The following IL26 variants were observed in gnomAD, a reference collection of about 807,000 sequenced individuals.
The protein encoded by IL26 is interleukin 26, also known as interleukin-26.
IL26 carries 23 observed loss-of-function variants against 21.7 expected under a neutral mutation model. That is an observed-to-expected ratio of 1.06 (90% CI 0.76 to 1.50). The LOEUF is 1.50. IL26 is among the 40% of genes most tolerant of loss of function. IL26 has a pLI of 0.00. For synonymous variants in IL26, 63 were observed against 67.8 expected (o/e 0.93, Z 0.34); for missense variants, 204 against 196.0 (o/e 1.04, Z -0.24).
intron 3 of IL26, among the ~76,000 whole-genome samples, chr12:68,210,007 C>T (rs971288359): frequency 1.4e-4 from 21 of 152,018 alleles, no homozygotes; most frequent in African/African-American, 5.1e-4. Flanking sequence ...CATAACCACC[C>T]TTCTTGTTGT....
intron 3 of IL26, among the ~76,000 whole-genome samples, chr12:68,205,694 A>G (rs1868520538): frequency 7.1e-6 from 1 of 140,812 alleles, no homozygotes; most frequent in Non-Finnish European, 1.6e-5. Flanking sequence ...CTTTAAGGAA[A>G]TACATAGTAA....
At chr12:68,212,749 G>A (rs1475436081) in intron 3 of IL26, among the ~76,000 whole-genome samples, 2 of 151,914 alleles carry the variant, frequency 1.3e-5, no homozygotes, top group African/African-American at 2.4e-5. Flanking sequence ...TTTGTATCCT[G>A]CAAATTTACG....
intron 3 of IL26, among the ~76,000 whole-genome samples, chr12:68,216,320 T>G (rs1180698543): frequency 1.3e-5 from 2 of 152,042 alleles, no homozygotes; most frequent in African/African-American, 4.8e-5. Context: ...CTACTATAAA[T>G]TATACACATT....
In IL26 at chr12:68,202,044, T is replaced by C; in HGVS notation, c.403A>G (p.Thr135Ala). The change falls in exon 4 of 5, where the codon ACC (threonine) becomes GCC (alanine). Residue 135 changes from threonine (T) to alanine (A), a missense_variant. Transcript: ENST00000229134. ...ASSAREMKSITRMKRIFYRIG... is the reference protein window; with the variant it reads ...ASSAREMKSIARMKRIFYRIG... Reference sequence around the variant, plus strand: ...CTATAAAATATTCTTTTCATCCTGGTAATGGATTTCATCTCTCTAGCTGAT... The same window carrying C: ...CTATAAAATATTCTTTTCATCCTGGCAATGGATTTCATCTCTCTAGCTGAT... 6.3e-7 allele frequency: 1 copy of C among 1,586,774 alleles called. No homozygotes were observed. The highest frequency in any genetic ancestry group is 8.6e-7 in the Non-Finnish European group (1 of 1,162,274).
At chr12:68,218,046 G>A (rs1432611233) in intron 3 of IL26, among the ~76,000 whole-genome samples, 1 of 152,046 alleles carries the variant, frequency 6.6e-6, no homozygotes, top group African/African-American at 2.4e-5. Context: ...GCCTAACAAA[G>A]CTTAAACAAC....
chr12:68,209,835 G>A, intron 3 of IL26, among the ~76,000 whole-genome samples: 1 of 152,136 alleles, frequency 6.6e-6, no homozygotes, highest in East Asian at 1.9e-4. Flanking sequence ...TAACTGCCCA[G>A]ACTGCATTCT....
At chr12:68,206,498 A>T (rs1175790161) in intron 3 of IL26, among the ~76,000 whole-genome samples, 7 of 152,214 alleles carry the variant, frequency 4.6e-5, no homozygotes, top group African/African-American at 1.7e-4. Flanking sequence ...GACTTCAGGA[A>T]CAAAGCACCA....
intron 3 of IL26, among the ~76,000 whole-genome samples, chr12:68,213,418 CTT>C (rs1419928308): frequency 6.6e-6 from 1 of 152,032 alleles, no homozygotes; most frequent in Non-Finnish European, 1.5e-5. Context: ...ATGCTCTTCT[CTT>C]TAATTTTTTA....
In IL26 at chr12:68,219,450, A is replaced by G. The variant is rs571392030; in HGVS notation, c.363+5699T>C. Among the ~76,000 whole-genome samples the G allele has an allele frequency of 1.9e-4, 29 of 152,024 alleles. No homozygotes were observed. In the South Asian group the frequency reaches 6.0e-3, roughly 31 times the overall value. ...ATAACCCATATATAAAAGAAAAAATAAAAAGGGAAATTAGCAAGTAATTTA... is the reference window on the plus strand; with the variant it reads ...ATAACCCATATATAAAAGAAAAAATGAAAAGGGAAATTAGCAAGTAATTTA... On this transcript the variant is annotated intron_variant, in intron 3 of 4. Transcript: ENST00000229134.
In IL26 at chr12:68,225,242, C is replaced by A. The variant is rs199583345; in HGVS notation, c.270G>T (p.Met90Ile). 1,515 of 1,613,600 alleles carry A rather than the reference C, an allele frequency of 9.4e-4. 18 individuals are homozygous for A. In the Admixed American group the frequency reaches 0.015, roughly 16 times the overall value. Residue 90 changes from methionine to isoleucine, a missense_variant, in exon 3 of 5, where the codon ATG becomes ATT. Coordinates refer to ENST00000229134, the MANE Select transcript of IL26 (RefSeq NM_018402.2). The stretch of plus-strand genomic sequence containing the variant: ...ATTGCAGTTGACCAAAAACGTCTTC[C>A]ATGAAGAAGGACAGAAGCTGTTCTT... The part of the protein sequence containing the change: ...QFQEQLLSFF[M>I]EDVFGQLQLQ...
At chr12:68,205,418 T>C (rs918747282) in intron 3 of IL26, among the ~76,000 whole-genome samples, 1 of 151,668 alleles carries the variant, frequency 6.6e-6, no homozygotes, top group African/African-American at 2.4e-5. Context: ...TTTTGTGAGA[T>C]AGATAGATAG....
At chr12:68,218,901 A>G (rs1384495529) in intron 3 of IL26, among the ~76,000 whole-genome samples, 1 of 152,040 alleles carries the variant, frequency 6.6e-6, no homozygotes, top group South Asian at 2.1e-4. Flanking sequence ...GAGTGATTCT[A>G]TTAGCATCAA....
intron 3 of IL26, among the ~76,000 whole-genome samples, chr12:68,215,834 C>CTTTTTA (rs966896264): frequency 2.0e-5 from 3 of 151,722 alleles, no homozygotes; most frequent in East Asian, 3.9e-4. Context: ...ATCCAGATAA[C>CTTTTTA]TTTTTATTTT....
Position 68,205,819 on chromosome 12 carries a change from G to A in IL26, c.364-3736C>T, listed in dbSNP as rs376751071. 2.0e-5 allele frequency among the ~76,000 whole-genome samples: 3 copies of A among 152,176 alleles called. No homozygotes were observed. In the East Asian group the frequency reaches 5.8e-4, roughly 29 times the overall value. ...TCATAGAAAAGTTCATGTCATAAAA[G>A]AAGTTAAAACCACTCTTGAATAATT... On this transcript the variant is annotated intron_variant, in intron 3 of 4. Transcript: ENST00000229134.
At chr12:68,219,995 A>G (rs1159995486) in intron 3 of IL26, among the ~76,000 whole-genome samples, 3 of 152,056 alleles carry the variant, frequency 2.0e-5, no homozygotes, top group Non-Finnish European at 4.4e-5. Context: ...TGAAAGACAC[A>G]AACTACCAAG....
chr12:68,207,143 G>T (rs184377160), intron 3 of IL26, among the ~76,000 whole-genome samples: 326 of 152,292 alleles, frequency 2.1e-3, no homozygotes, highest in African/African-American at 7.0e-3. Flanking sequence ...CACACCTGCT[G>T]GTGTAGCTGT....
intron 3 of IL26, among the ~76,000 whole-genome samples, chr12:68,206,924 C>G (rs998213742): frequency 6.6e-6 from 1 of 152,160 alleles, no homozygotes; most frequent in Non-Finnish European, 1.5e-5. Flanking sequence ...CTAAAATTTT[C>G]AAACCATCCT....
intron 3 of IL26, among the ~76,000 whole-genome samples, chr12:68,205,937 C>T (rs1262587716): frequency 6.6e-6 from 1 of 152,240 alleles, no homozygotes; most frequent in Non-Finnish European, 1.5e-5. Context: ...GGTTCAGAAA[C>T]ACTCATCTCC....
chr12:68,225,483 A>AT lies in IL26; in HGVS notation c.188dup (p.Asn63LysfsTer51). The AT allele has an allele frequency of 6.3e-7, 1 of 1,593,526 alleles. No homozygotes were observed. ...TTGTTTTCTTTTTTAATAATCGTAT[A>AT]TTTTTTATGCGGTCTTCCTACAATA... On this transcript the variant is annotated frameshift_variant, in exon 2 of 5. Coordinates refer to ENST00000229134, the MANE Select transcript of IL26 (RefSeq NM_018402.2). LOFTEE classifies it high-confidence loss of function.
Sources: allele counts gnomAD v4.1 joint callset (sites outside exome capture counted in the v4.1 genomes callset), GRCh38; gene constraint gnomAD v4.1.1; transcripts MANE v1.5; gene names NCBI Gene and HGNC (gene_info 2026-07-23, HGNC 2026-07-21).